ESRP1: variants seen among roughly 807,000 people sequenced by gnomAD.
ESRP1 encodes the protein RNA-binding motif protein 35A.
In ESRP1, 33 loss-of-function variants were observed where a neutral mutation model predicts 81.7. The ratio of observed to expected loss-of-function variants is 0.40; its 90% CI spans 0.31 to 0.54. The LOEUF is 0.54. ESRP1 is among the 20% of genes least tolerant of loss of function. The pLI is 0.41. For missense variants in ESRP1, 672 were observed against 833.1 expected, an observed-to-expected ratio of 0.81 and a Z score of 2.38; for synonymous variants, 320 against 303.3, an observed-to-expected ratio of 1.06 and a Z score of -0.57.
chr8:94,642,166 G>T, intron 2 of ESRP1, 82 bp downstream of exon 2: 3 of 1,521,230 alleles, frequency 2.0e-6, no homozygotes, highest in Middle Eastern at 4.8e-4. Context: ...CGGCCCACGC[G>T]TGTTCCCGGA....
intron 4 of ESRP1, among the ~76,000 whole-genome samples, chr8:94,657,431 AGGATCATAGATTGAAGAAACT>A (rs1205227996): frequency 1.3e-5 from 2 of 151,898 alleles, no homozygotes; most frequent in African/African-American, 4.8e-5. Flanking sequence ...AGTGATGCTA[AGGATCATAGATTGAAGAAACT>A]GGCCTATTGA....
intron 13 of ESRP1, among the ~76,000 whole-genome samples, chr8:94,690,915 G>C (rs1390123737): frequency 6.6e-6 from 1 of 152,192 alleles, no homozygotes; most frequent in Non-Finnish European, 1.5e-5. Context: ...GTGAATGCTA[G>C]TTGTACAGGA....
At chr8:94,643,184 C>G in intron 2 of ESRP1, 119 bp from the exon 3 acceptor site, 1 of 636,294 alleles carries the variant, frequency 1.6e-6, no homozygotes, top group South Asian at 2.0e-5. Context: ...GCCCCAGCAC[C>G]GGTGTCACCC....
At position 94,692,830 on chromosome 8, in the gene ESRP1, CA is replaced by C; in HGVS notation, c.1971+4del. On this transcript the variant is annotated splice_donor_region_variant and intron_variant, in intron 14 of 15. Coordinates refer to ENST00000433389, the MANE Select transcript of ESRP1 (RefSeq NM_017697.4). ...TTAACTTCTTCCAAGGTTACCAGGTCAGTAGCTTGAAGGAGAATAATCCTCA... is the reference window on the plus strand; with the variant it reads ...TTAACTTCTTCCAAGGTTACCAGGTCGTAGCTTGAAGGAGAATAATCCTCA... 1 of 1,612,022 alleles carries C rather than the reference CA, an allele frequency of 6.2e-7. No homozygotes were observed. The highest frequency in any genetic ancestry group is 1.1e-5 in the South Asian group (1 of 90,634).
chr8:94,668,788 C>CGTGTGTGTGTGTGT (rs771754492), intron 10 of ESRP1, among the ~76,000 whole-genome samples: 2,799 of 76,824 alleles, frequency 0.036, 44 homozygotes, highest in Non-Finnish European at 0.047. Flanking sequence ...TAGCTTTCAG[C>CGTGTGTGTGTGTGT]ATGTGTGTGT....
At chr8:94,659,955 T>A (rs1818634526) in intron 4 of ESRP1, among the ~76,000 whole-genome samples, 1 of 152,004 alleles carries the variant, frequency 6.6e-6, no homozygotes, top group Admixed American at 6.6e-5. Context: ...CTGAGAGAAG[T>A]GAGGAAGCTG....
intron 12 of ESRP1, 73 bp downstream of exon 12, chr8:94,674,579 T>C: frequency 7.2e-7 from 1 of 1,392,824 alleles, no homozygotes; most frequent in East Asian, 2.4e-5. Flanking sequence ...TTCGTAACTT[T>C]CTGTGCCCCT....
intron 15 of ESRP1, among the ~76,000 whole-genome samples, chr8:94,700,854 G>C (rs552650240): frequency 1.8e-4 from 27 of 152,046 alleles, no homozygotes; most frequent in Admixed American, 3.9e-4. Context: ...GCATGAACCC[G>C]GAAGGCAGAG....
intron 14 of ESRP1, among the ~76,000 whole-genome samples, chr8:94,695,883 T>G (rs1212523593): frequency 1.3e-5 from 2 of 151,942 alleles, no homozygotes; most frequent in East Asian, 3.9e-4. Flanking sequence ...GCCAACATGG[T>G]GAAACCCTGT....
intron 15 of ESRP1, among the ~76,000 whole-genome samples, chr8:94,699,891 G>T (rs2130735712): frequency 8.8e-6 from 1 of 114,058 alleles, no homozygotes; most frequent in Middle Eastern, 3.8e-3. Flanking sequence ...CCTTAACCTT[G>T]CATTGTTTTA....
At chr8:94,669,874 CAAAAAAAAA>C (rs1263306176) in intron 10 of ESRP1, among the ~76,000 whole-genome samples, 1 of 89,638 alleles carries the variant, frequency 1.1e-5, no homozygotes, top group African/African-American at 4.1e-5. Flanking sequence ...CTCCCGCTAC[CAAAAAAAAA>C]AAAAAAAAAA....
intron 4 of ESRP1, among the ~76,000 whole-genome samples, chr8:94,648,722 A>G (rs971956942): frequency 6.6e-6 from 1 of 152,218 alleles, no homozygotes; most frequent in Admixed American, 6.5e-5. Context: ...GCTTCTGTAA[A>G]CACCTGGAGA....
chr8:94,685,170 T>G (rs552472779), intron 13 of ESRP1, among the ~76,000 whole-genome samples: 59 of 152,276 alleles, frequency 3.9e-4, no homozygotes, highest in African/African-American at 1.4e-3. Context: ...TTGTGATTAT[T>G]AAATGGAGGA....
At chr8:94,650,918 G>C (rs190386694) in intron 4 of ESRP1, among the ~76,000 whole-genome samples, 1 of 152,096 alleles carries the variant, frequency 6.6e-6, no homozygotes, top group Non-Finnish European at 1.5e-5. Context: ...TGTTAGCCAG[G>C]ATGGTCTCGA....
At chr8:94,680,259 C>T in intron 13 of ESRP1, among the ~76,000 whole-genome samples, 1 of 152,062 alleles carries the variant, frequency 6.6e-6, no homozygotes, top group East Asian at 1.9e-4. Context: ...CAAATTAACC[C>T]CTAGAGTGTG....
intron 15 of ESRP1, among the ~76,000 whole-genome samples, chr8:94,699,444 C>T (rs1809730029): frequency 6.6e-6 from 1 of 151,876 alleles, no homozygotes; most frequent in Non-Finnish European, 1.5e-5. Context: ...AAATTTGAGA[C>T]CAGCCTGGGC....
At chr8:94,649,088 A>T (rs573011268) in intron 4 of ESRP1, among the ~76,000 whole-genome samples, 27 of 152,298 alleles carry the variant, frequency 1.8e-4, no homozygotes, top group African/African-American at 6.3e-4. Context: ...GGGCATGATG[A>T]CGCACATCTG....
intron 13 of ESRP1, among the ~76,000 whole-genome samples, 196 bp downstream of exon 13, chr8:94,678,567 A>G (rs1808734994): frequency 6.6e-6 from 1 of 152,264 alleles, no homozygotes; most frequent in Non-Finnish European, 1.5e-5. Flanking sequence ...CCATATACTG[A>G]CAGCATGATC....
intron 4 of ESRP1, among the ~76,000 whole-genome samples, chr8:94,659,397 G>A (rs138862761): frequency 6.6e-6 from 1 of 152,252 alleles, no homozygotes; most frequent in Non-Finnish European, 1.5e-5. Flanking sequence ...ATATTAGGTG[G>A]CAAACTTAAT....
Sources: allele counts gnomAD v4.1 joint callset (sites outside exome capture counted in the v4.1 genomes callset), GRCh38; gene constraint gnomAD v4.1.1; transcripts MANE v1.5; gene names NCBI Gene and HGNC (gene_info 2026-07-23, HGNC 2026-07-21).